Variants in ASB14 observed in about 807,000 individuals in gnomAD.
The protein encoded by ASB14 is ankyrin repeat and SOCS box protein 14.
In ASB14, 63 loss-of-function variants were observed where a neutral mutation model predicts 55.6. The observed-to-expected ratio is 1.13, with a 90% CI of 0.92 to 1.40. The LOEUF (loss-of-function observed/expected upper bound fraction) is 1.40, where lower values mean the gene tolerates loss of function less well. Ranked by LOEUF, ASB14 falls within the 40% of genes most tolerant of loss-of-function variation. ASB14 has a pLI of 0.00. For missense variants in ASB14, 724 were observed against 710.4 expected, an observed-to-expected ratio of 1.02 and a Z score of -0.22; for synonymous variants, 256 against 259.9, an observed-to-expected ratio of 0.98 and a Z score of 0.15.
In ASB14 at chr3:57,268,412, A is replaced by G; in HGVS notation, c.*1229T>C. ...CTGTTCTTTAGGATCGTAGGGCATCAGAAAAACAAAAAGAAATAGAGAGAG... is the reference window on the plus strand; with the variant it reads ...CTGTTCTTTAGGATCGTAGGGCATCGGAAAAACAAAAAGAAATAGAGAGAG... On this transcript the variant is annotated 3_prime_UTR_variant, in exon 11 of 11. Transcript: ENST00000487349. The G allele has an allele frequency of 1.3e-6, 2 of 1,591,516 alleles. No homozygotes were observed. Among genetic ancestry groups the G allele is most frequent in the Non-Finnish European group, 1.7e-6 (2 of 1,166,730 alleles).
chr3:57,292,371 G>T (rs1266308157), intron 1 of ASB14, among the ~76,000 whole-genome samples: 5 of 152,134 alleles, frequency 3.3e-5, no homozygotes, highest in Non-Finnish European at 7.4e-5. Flanking sequence ...GTTCAACTTG[G>T]CTGTGAGTCT....
Position 57,269,506 on chromosome 3 carries a change from A to C in ASB14, c.*135T>G, listed in dbSNP as rs2060920141. 2 of 1,608,938 alleles carry C rather than the reference A, an allele frequency of 1.2e-6. No homozygotes were observed. Among genetic ancestry groups the C allele is most frequent in the Non-Finnish European group, 1.7e-6 (2 of 1,177,518 alleles). On this transcript the variant is annotated 3_prime_UTR_variant, in exon 11 of 11. Coordinates refer to ENST00000487349, the MANE Select transcript of ASB14 (RefSeq NM_001142733.3). ...CATAATTTGCCATTTGACTGCAGACAAGTAACTTAGTTTCTTTTTTGTCTT... is the reference window on the plus strand; with the variant it reads ...CATAATTTGCCATTTGACTGCAGACCAGTAACTTAGTTTCTTTTTTGTCTT...
At chr3:57,281,108 T>TA (rs1044261999) in intron 6 of ASB14, among the ~76,000 whole-genome samples, 1 of 152,206 alleles carries the variant, frequency 6.6e-6, no homozygotes, top group African/African-American at 2.4e-5. Context: ...GCATTATACT[T>TA]ACAAGTCCCA....
intron 5 of ASB14, among the ~76,000 whole-genome samples, chr3:57,284,078 C>T (rs1241800751): frequency 1.3e-5 from 1 of 78,162 alleles, no homozygotes; most frequent in African/African-American, 4.5e-5. Context: ...TAATAAAAGG[C>T]TTGGGAACAC....
intron 6 of ASB14, among the ~76,000 whole-genome samples, chr3:57,281,326 A>G (rs2061038774): frequency 1.4e-5 from 2 of 147,324 alleles, no homozygotes; most frequent in African/African-American, 4.9e-5. Context: ...TAGAAGATCT[A>G]GGGCTGGGGT....
chr3:57,291,769 A>G, intron 2 of ASB14, 143 bp downstream of exon 2: 3 of 631,660 alleles, frequency 4.7e-6, no homozygotes, highest in Non-Finnish European at 7.5e-6. Context: ...CTAGTTAGGC[A>G]TAATATCTTA....
At chr3:57,272,707 C>G (rs1326016506) in intron 10 of ASB14, 1 of 152,328 alleles carries the variant, frequency 6.6e-6, no homozygotes. Context: ...TCACGCCATT[C>G]TCCTGCCTCA....
At chr3:57,285,707 CTCTAAACTGTCTACATCTCCCTTCAAGAT>C in intron 5 of ASB14, among the ~76,000 whole-genome samples, 1 of 152,140 alleles carries the variant, frequency 6.6e-6, no homozygotes, top group South Asian at 2.1e-4. Flanking sequence ...ACCCCAAACT[CTCTAAACTGTCTACATCTCCCTTCAAGAT>C]GTCATTCCTA....
At chr3:57,273,826 A>G (rs1013632584) in intron 10 of ASB14, among the ~76,000 whole-genome samples, 1 of 152,150 alleles carries the variant, frequency 6.6e-6, no homozygotes, top group Non-Finnish European at 1.5e-5. Context: ...TATTCATCCC[A>G]TGTGCTCTTT....
intron 10 of ASB14, among the ~76,000 whole-genome samples, chr3:57,275,133 G>T (rs2060976012): frequency 6.6e-6 from 1 of 152,084 alleles, no homozygotes; most frequent in Admixed American, 6.5e-5. Context: ...CCTTTGTGTG[G>T]TTTCAGTTAC....
At position 57,278,623 on chromosome 3, in the gene ASB14, C is replaced by T. The variant is rs1183828932; in HGVS notation, c.1185G>A (p.Arg395=). ...DPVNCLQIAL[R]MGNYELISLL... is the part of the protein sequence containing the mutation. ...GACTGATCAGCTCATAGTTGCCCAT[C>T]CTGAGGGCTATCTGGAGGCAGTTAA... The change falls in exon 8 of 11, where the codon AGG becomes AGA. Residue 395 remains arginine (R), a synonymous_variant. Coordinates refer to ENST00000487349, the MANE Select transcript of ASB14 (RefSeq NM_001142733.3). The T allele has an allele frequency of 1.2e-6, 2 of 1,614,176 alleles. No homozygotes were observed.
intron 10 of ASB14, chr3:57,270,303 A>C (rs2060927647): frequency 6.5e-6 from 1 of 152,686 alleles, no homozygotes. Context: ...AATGTACTGC[A>C]CTTGATGCCA....
At position 57,288,708 on chromosome 3, in the gene ASB14, C is replaced by CTTT. The variant is rs747854434; in HGVS notation, c.178+357_178+359dup. ...GCCAGCCATCACCATCATATCTTTC[C>CTTT]TTTTTTTTTTTTTTTTTTTTTTGTG... is the stretch of plus-strand genomic sequence containing the variant. On this transcript the variant is annotated intron_variant, in intron 3 of 10. Coordinates refer to ENST00000487349, the MANE Select transcript of ASB14 (RefSeq NM_001142733.3). 1.2e-3 allele frequency among the ~76,000 whole-genome samples: 118 copies of CTTT among 102,358 alleles called. 12 individuals are homozygous for CTTT. Among genetic ancestry groups the CTTT allele is most frequent in the East Asian group, 0.01 (26 of 2,520 alleles). 67.2% of individuals were successfully genotyped at this position (102,358 alleles called of 152,430 possible).
Position 57,278,439 on chromosome 3 carries a change from C to G in ASB14, c.1369G>C (p.Asp457His), listed in dbSNP as rs780981445. The change falls in exon 8 of 11, where the codon GAC (aspartate) becomes CAC (histidine). Residue 457 changes from aspartate to histidine, a missense_variant. Asp to His is a moderately conservative substitution (Grantham distance 81). Transcript: ENST00000487349. ...ACAGTATAGGAAGGATGGACTTTGT[C>G]TCCATGTGGGCAATCAAAACATCGC... is the stretch of plus-strand genomic sequence containing the variant. ...TERCFDCPHG[D>H]KVHPSYTVEG... 5.0e-6 allele frequency: 8 copies of G among 1,614,066 alleles called. No homozygotes were observed. The highest frequency in any genetic ancestry group is 6.8e-6 in the Non-Finnish European group (8 of 1,180,048).
In ASB14 at chr3:57,292,097, G is replaced by A. The variant is rs2061137081; in HGVS notation, c.-64C>T. On this transcript the variant is annotated 5_prime_UTR_variant, in exon 2 of 11. Transcript: ENST00000487349. The stretch of plus-strand genomic sequence containing the variant: ...TTAAAAGTATTTTTCCAGTTGTGAA[G>A]AGATCAACTGCTTAAAATTACAAAT... 2.9e-6 allele frequency: 4 copies of A among 1,376,120 alleles called. No homozygotes were observed. The African/African-American group carries it at 5.9e-5, about 20-fold the overall frequency. 85.2% of individuals were successfully genotyped at this position (1,376,120 alleles called of 1,614,324 possible). A position where few individuals can be genotyped will look rare whatever the true frequency, so the allele number is the denominator to read the frequency against.
chr3:57,286,436 A>C (rs747350962), intron 5 of ASB14, among the ~76,000 whole-genome samples: 60 of 140,966 alleles, frequency 4.3e-4, no homozygotes, highest in Non-Finnish European at 7.9e-4. Flanking sequence ...TTTGTTACAC[A>C]AAATTCTCTA....
chr3:57,285,936 C>T (rs866635185), intron 5 of ASB14, among the ~76,000 whole-genome samples: 4 of 152,104 alleles, frequency 2.6e-5, no homozygotes, highest in African/African-American at 4.8e-5. Flanking sequence ...TGCTTTACTC[C>T]GATGTTGGTA....
intron 10 of ASB14, among the ~76,000 whole-genome samples, chr3:57,275,149 G>A (rs2060976129): frequency 6.6e-6 from 1 of 151,976 alleles, no homozygotes. Context: ...GTTACCTGCG[G>A]CCCAAAACTA....
In ASB14 at chr3:57,278,539, G is replaced by T; in HGVS notation, c.1269C>A (p.Phe423Leu). ...TCAGAGTGTATTGCAGTGCTGATGG[G>T]AAATGTAAAGGGTTAACTCTGCAGA... The part of the protein sequence containing the change: ...NYFCRVNPLH[F>L]PSALQYTLKD... The change falls in exon 8 of 11, where the codon TTC becomes TTA. Residue 423 changes from phenylalanine to leucine, a missense_variant. Physicochemically the swap from Phe to Leu is conservative, Grantham distance 22 (BLOSUM62 0). Coordinates refer to ENST00000487349, the MANE Select transcript of ASB14 (RefSeq NM_001142733.3). 6.2e-7 allele frequency: 1 copy of T among 1,614,240 alleles called. No individual in the cohort carries two copies.
Sources: allele counts gnomAD v4.1 joint callset (sites outside exome capture counted in the v4.1 genomes callset), GRCh38; gene constraint gnomAD v4.1.1; transcripts MANE v1.5; gene names NCBI Gene and HGNC (gene_info 2026-07-23, HGNC 2026-07-21).